TMEM237: variants seen among roughly 807,000 people sequenced by gnomAD.
TMEM237 encodes transmembrane protein 237.
A neutral mutation model predicts 59.1 loss-of-function variants in TMEM237; 51 were observed. That is an observed-to-expected ratio of 0.86 (90% CI 0.69 to 1.09). The LOEUF (loss-of-function observed/expected upper bound fraction) is 1.09. Among genes scored for constraint, TMEM237 ranks in the 50% least tolerant of loss-of-function variants. TMEM237 has a pLI of 0.00. For missense variants in TMEM237, 475 were observed against 478.3 expected, an observed-to-expected ratio of 0.99 and a Z score of 0.06; for synonymous variants, 140 against 166.1, an observed-to-expected ratio of 0.84 and a Z score of 1.21.
chr2:201,639,170 T>C, intron 3 of TMEM237, 125 bp from the exon 4 acceptor site: 4 of 860,710 alleles, frequency 4.6e-6, no homozygotes, highest in South Asian at 1.7e-5. Flanking sequence ...CAAACGTTTA[T>C]AGATTAGGGG....
chr2:201,632,987 C>T lies in TMEM237; in HGVS notation c.395+324G>A, dbSNP rs541212550. Among the ~76,000 whole-genome samples the T allele has an allele frequency of 1.6e-4, 25 of 152,130 alleles. 1 individual carries two copies. The highest frequency in any genetic ancestry group is 6.0e-4 in the African/African-American group (25 of 41,502). On this transcript the variant is annotated intron_variant, in intron 6 of 12. Transcript: ENST00000409883. ...AACATAAGAAAATAAATCACAATAG[C>T]CTATTTCATTATCTTTAATTTTTAA...
chr2:201,629,056 G>A (rs1470309629), intron 9 of TMEM237, among the ~76,000 whole-genome samples, 174 bp downstream of exon 9: 2 of 152,138 alleles, frequency 1.3e-5, no homozygotes, highest in Non-Finnish European at 2.9e-5. Context: ...GGAATATTTT[G>A]TTTACAATGG....
chr2:201,638,953 A>G (rs780667894), intron 4 of TMEM237, 36 bp downstream of exon 4: 5 of 1,556,248 alleles, frequency 3.2e-6, no homozygotes, highest in Non-Finnish European at 3.5e-6. Context: ...TCCTGGGAAA[A>G]CTTGTGATCC....
intron 5 of TMEM237, chr2:201,634,861 T>C (rs1390050622): frequency 2.0e-5 from 9 of 449,368 alleles, no homozygotes; most frequent in South Asian, 1.3e-4. Context: ...TCTACTCCTA[T>C]AATTCTTCCA....
Position 201,629,273 on chromosome 2 carries a change from G to T in TMEM237, c.826C>A (p.Leu276Met). The T allele has an allele frequency of 6.3e-7, 1 of 1,594,352 alleles. No individual in the cohort carries two copies. Among genetic ancestry groups the T allele is most frequent in the Non-Finnish European group, 8.5e-7 (1 of 1,174,668 alleles). Residue 276 changes from leucine to methionine, a missense_variant, in exon 9 of 13, where the codon CTG (leucine) becomes ATG (methionine). Leu to Met is a conservative substitution (Grantham distance 15, BLOSUM62 2). Transcript: ENST00000409883. ...GTACTCAGAGCCAAAAGCAAGTACA[G>T]AAGACTCTGGAATGGATACGCTAGG... is the stretch of plus-strand genomic sequence containing the variant. ...KTLAYPFQSL[L>M]YLLLALSTIS...
intron 7 of TMEM237, 110 bp downstream of exon 7, chr2:201,631,941 T>C (rs966405003): frequency 8.6e-6 from 10 of 1,162,790 alleles, no homozygotes; most frequent in African/African-American, 1.5e-5. Context: ...TGTGTATAAA[T>C]TGTTGTACAC....
chr2:201,627,172 C>T, intron 11 of TMEM237, 149 bp downstream of exon 11: 7 of 557,992 alleles, frequency 1.3e-5, no homozygotes, highest in East Asian at 5.8e-5. Flanking sequence ...ACAATAGTTA[C>T]CCATTAACCA....
intron 7 of TMEM237, among the ~76,000 whole-genome samples, chr2:201,631,708 T>C (rs1481668982): frequency 6.6e-6 from 1 of 152,218 alleles, no homozygotes; most frequent in African/African-American, 2.4e-5. Flanking sequence ...TTTTGTCCTA[T>C]GCATAGATCA....
chr2:201,630,482 G>A (rs911800196), intron 7 of TMEM237, among the ~76,000 whole-genome samples: 1 of 152,024 alleles, frequency 6.6e-6, no homozygotes, highest in South Asian at 2.1e-4. Flanking sequence ...TCCACAAATA[G>A]ACCTCAGGAA....
Position 201,629,441 on chromosome 2 carries a change from A to T in TMEM237, c.678-20T>A. ...ATCATCCTGAATGGAAAAGGGTTTG[A>T]TTATTATACATGAATTACTAAAGTA... On this transcript the variant is annotated intron_variant, in intron 8 of 12. Transcript: ENST00000409883. 1 of 1,503,642 alleles carries T rather than the reference A, an allele frequency of 6.7e-7. No individual in the cohort carries two copies. The highest frequency in any genetic ancestry group is 8.8e-7 in the Non-Finnish European group (1 of 1,133,752). 93.1% of individuals were successfully genotyped at this position (1,503,642 alleles called of 1,614,324 possible).
intron 2 of TMEM237, 104 bp from the exon 3 acceptor site, chr2:201,640,369 A>T (rs1213972589): frequency 9.9e-6 from 11 of 1,115,740 alleles, no homozygotes; most frequent in Non-Finnish European, 1.3e-5. Context: ...AATTGACTTA[A>T]ATCATTACAA....
intron 6 of TMEM237, among the ~76,000 whole-genome samples, 184 bp downstream of exon 6, chr2:201,633,127 G>T (rs942381812): frequency 1.3e-5 from 2 of 151,332 alleles, no homozygotes; most frequent in African/African-American, 4.9e-5. Context: ...TATTTTCTCA[G>T]TGGTTTACTC....
chr2:201,623,100 C>T lies in TMEM237; in HGVS notation c.*1155G>A, dbSNP rs1232805731. ...AGCCTTACAAACAGCAAAAGAGATT[C>T]CCAGTATAATGTTCACTCCAAATTT... On this transcript the variant is annotated 3_prime_UTR_variant, in exon 13 of 13. Transcript: ENST00000409883. The T allele has an allele frequency of 1.6e-5, 3 of 183,034 alleles. No homozygotes were observed. The highest frequency in any genetic ancestry group is 1.4e-4 in the East Asian group (1 of 6,924). The allele number at this position is 183,034 out of a possible 1,614,324, so 11.3% of individuals were successfully genotyped here.
intron 5 of TMEM237, among the ~76,000 whole-genome samples, chr2:201,633,968 G>A (rs1455690104): frequency 6.6e-6 from 1 of 152,102 alleles, no homozygotes; most frequent in Non-Finnish European, 1.5e-5. Flanking sequence ...CAAGGTTAGG[G>A]GCTAGTCACA....
chr2:201,642,855 T>G, intron 1 of TMEM237: 1 of 1,340,242 alleles, frequency 7.5e-7, no homozygotes, highest in Non-Finnish European at 9.5e-7. Context: ...GGGGGTAATG[T>G]GCCCAGGAGC....
intron 12 of TMEM237, among the ~76,000 whole-genome samples, chr2:201,625,600 C>T (rs1340637105): frequency 6.6e-6 from 1 of 152,038 alleles, no homozygotes; most frequent in Non-Finnish European, 1.5e-5. Context: ...AGCCAATGAA[C>T]GGTTAAGAAT....
Position 201,629,736 on chromosome 2 carries a change from CCCGGTGCA to C in TMEM237, c.662_669del (p.Val221GlyfsTer66), listed in dbSNP as rs748889028. ...TCCAACAAAAGCAGCCACCTGAAAG[CCCGGTGCA>C]CTGTAAGTGCCACATCTCTGGTGGT... On this transcript the variant is annotated frameshift_variant, in exon 8 of 13. Transcript: ENST00000409883. LOFTEE classifies it high-confidence loss of function. The C allele has an allele frequency of 6.2e-7, 1 of 1,606,668 alleles. No individual in the cohort carries two copies. Among genetic ancestry groups the C allele is most frequent in the South Asian group, 1.1e-5 (1 of 88,766 alleles).
intron 11 of TMEM237, among the ~76,000 whole-genome samples, chr2:201,626,737 G>C (rs1271187079): frequency 1.3e-5 from 2 of 152,038 alleles, no homozygotes; most frequent in African/African-American, 2.4e-5. Context: ...CTCCCTGACA[G>C]GGGGTAAGAA....
rs367719269 is a variant in TMEM237, at chr2:201,642,665, G to C, written c.42+694C>G. On this transcript the variant is annotated intron_variant, in intron 1 of 12. Coordinates refer to ENST00000409883, the MANE Select transcript of TMEM237 (RefSeq NM_001044385.3). The stretch of plus-strand genomic sequence containing the variant: ...GGCCTCGGCGGCCGCCGGCCCCCAA[G>C]CACCTGGCGCCCCACCCCTCCCGGC... 2.1e-4 allele frequency: 337 copies of C among 1,607,254 alleles called. 1 individual carries two copies. Among genetic ancestry groups the C allele is most frequent in the Admixed American group, 4.1e-4 (24 of 58,858 alleles).
Sources: allele counts gnomAD v4.1 joint callset (sites outside exome capture counted in the v4.1 genomes callset), GRCh38; gene constraint gnomAD v4.1.1; transcripts MANE v1.5; gene names NCBI Gene and HGNC (gene_info 2026-07-23, HGNC 2026-07-21).